Variants in SCN10A observed in about 807,000 individuals in gnomAD.
SCN10A encodes sodium channel protein type 10 subunit alpha.
Under a neutral mutation model 170.7 loss-of-function variants are expected in SCN10A, and 162 were observed. The ratio of observed to expected loss-of-function variants is 0.95; its 90% CI spans 0.84 to 1.08. The LOEUF (loss-of-function observed/expected upper bound fraction) is 1.08, where lower values mean the gene tolerates loss of function less well. Among genes scored for constraint, SCN10A ranks in the 50% least tolerant of loss-of-function variants. The probability of loss-of-function intolerance (pLI) is 0.00; values close to 1 mark genes in which losing one functional copy is unlikely to be tolerated. For missense variants in SCN10A, 2,527 were observed against 2,436.9 expected (o/e 1.04, Z -0.78); for synonymous variants, 985 against 904.6 (o/e 1.09, Z -1.59).
At chr3:38,748,544 T>A (rs1486307489) in intron 13 of SCN10A, among the ~76,000 whole-genome samples, 1 of 152,186 alleles carries the variant, frequency 6.6e-6, no homozygotes, top group Non-Finnish European at 1.5e-5. Flanking sequence ...GTTGAGCTGG[T>A]CCTTTGTCAT....
In SCN10A at chr3:38,698,324, C is replaced by T. The variant is rs2063119149; in HGVS notation, c.4896G>A (p.Val1632=). ...SIFGMSSFPH[V]RWEAGIDDMF... ...TGTCGTCGATGCCAGCCTCCCACCT[C>T]ACATGGGGAAAGCTGGACATACCGA... is the stretch of plus-strand genomic sequence containing the variant. Residue 1632 remains valine, a synonymous_variant, in exon 28 of 28, where the codon GTG becomes GTA. Coordinates refer to ENST00000449082, the MANE Select transcript of SCN10A (RefSeq NM_006514.4). 1 of 1,613,870 alleles carries T rather than the reference C, an allele frequency of 6.2e-7. No individual in the cohort carries two copies. Among genetic ancestry groups the T allele is most frequent in the South Asian group, 1.1e-5 (1 of 91,076 alleles).
At chr3:38,762,690 AG>A (rs1395886578) in intron 6 of SCN10A, among the ~76,000 whole-genome samples, 2 of 152,188 alleles carry the variant, frequency 1.3e-5, no homozygotes, top group African/African-American at 4.8e-5. Context: ...GGGCAGGACC[AG>A]GGCTCTCTTC....
intron 4 of SCN10A, among the ~76,000 whole-genome samples, chr3:38,776,063 A>C (rs1225899015): frequency 6.6e-6 from 1 of 152,126 alleles, no homozygotes; most frequent in Non-Finnish European, 1.5e-5. Flanking sequence ...ATAATATGGA[A>C]GTTTTGATAG....
chr3:38,758,206 T>C (rs2063830829), intron 8 of SCN10A, among the ~76,000 whole-genome samples: 1 of 152,184 alleles, frequency 6.6e-6, no homozygotes, highest in African/African-American at 2.4e-5. Flanking sequence ...GTTCCAAGTC[T>C]ATCTCCACTT....
At chr3:38,743,277 A>T (rs1182098612) in intron 13 of SCN10A, among the ~76,000 whole-genome samples, 1 of 152,190 alleles carries the variant, frequency 6.6e-6, no homozygotes, top group Non-Finnish European at 1.5e-5. Context: ...TGCCCCACAC[A>T]GTGCGTGGGT....
intron 10 of SCN10A, among the ~76,000 whole-genome samples, 160 bp downstream of exon 10, chr3:38,756,514 C>T (rs1005235242): frequency 2.6e-5 from 4 of 152,226 alleles, no homozygotes; most frequent in Admixed American, 2.6e-4. Context: ...CCTCACTTAG[C>T]TTCTTCTTTG....
chr3:38,703,321 T>C (rs1378993153), intron 26 of SCN10A, among the ~76,000 whole-genome samples: 1 of 152,212 alleles, frequency 6.6e-6, no homozygotes, highest in East Asian at 1.9e-4. Context: ...TGTCTCTTGG[T>C]TTATTGCACA....
chr3:38,721,232 G>A (rs1193832617), intron 20 of SCN10A, among the ~76,000 whole-genome samples: 1 of 152,176 alleles, frequency 6.6e-6, no homozygotes, highest in Non-Finnish European at 1.5e-5. Context: ...TGTTTTTAGA[G>A]AGTAAATGAC....
chr3:38,807,215 T>C (rs573047878), intron 1 of SCN10A, among the ~76,000 whole-genome samples: 28 of 152,312 alleles, frequency 1.8e-4, no homozygotes, highest in African/African-American at 6.7e-4. Flanking sequence ...CTAATGTAGA[T>C]AATTATTTGC....
At position 38,772,465 on chromosome 3, in the gene SCN10A, A is replaced by G. The variant is rs547737303; in HGVS notation, c.471-1058T>C. Among the ~76,000 whole-genome samples the G allele has an allele frequency of 5.9e-5, 9 of 152,202 alleles. No individual in the cohort carries two copies. The Middle Eastern group carries it at 0.01, about 173-fold the overall frequency. On this transcript the variant is annotated intron_variant, in intron 4 of 27. Transcript: ENST00000449082. Reference sequence around the variant, plus strand: ...AGCACTTTGGGAGGCCGAGGCGGGCAGATTACGAGGTCAGGAGATCGAGAC... The same window carrying G: ...AGCACTTTGGGAGGCCGAGGCGGGCGGATTACGAGGTCAGGAGATCGAGAC...
chr3:38,743,437 C>T (rs544090516), intron 13 of SCN10A, among the ~76,000 whole-genome samples: 1 of 152,276 alleles, frequency 6.6e-6, no homozygotes, highest in East Asian at 1.9e-4. Flanking sequence ...CTCTCTGGAC[C>T]CCATGCTCTC....
intron 1 of SCN10A, among the ~76,000 whole-genome samples, chr3:38,797,697 C>A (rs1450961465): frequency 6.6e-6 from 1 of 152,106 alleles, no homozygotes; most frequent in African/African-American, 2.4e-5. Context: ...AGTTTGGAAC[C>A]AAATTTGAAT....
intron 12 of SCN10A, among the ~76,000 whole-genome samples, chr3:38,752,002 G>A (rs1204728351): frequency 6.6e-6 from 1 of 152,108 alleles, no homozygotes; most frequent in Non-Finnish European, 1.5e-5. Flanking sequence ...CATCACTACT[G>A]CAGAATAAAC....
At chr3:38,802,335 G>A (rs567710308) in intron 1 of SCN10A, among the ~76,000 whole-genome samples, 2 of 152,090 alleles carry the variant, frequency 1.3e-5, no homozygotes, top group Non-Finnish European at 2.9e-5. Context: ...TATATCTCTA[G>A]CCCAAGTCTT....
chr3:38,723,675 C>T, intron 18 of SCN10A, 122 bp from the exon 19 acceptor site: 7 of 1,191,682 alleles, frequency 5.9e-6, no homozygotes, highest in Non-Finnish European at 8.2e-6. Context: ...GCCTGGAACA[C>T]TGCTCTTCTC....
At chr3:38,789,416 A>C (rs563577745) in intron 3 of SCN10A, among the ~76,000 whole-genome samples, 4 of 152,300 alleles carry the variant, frequency 2.6e-5, no homozygotes, top group South Asian at 2.1e-4. Context: ...CCTTTTCCAA[A>C]ATGTCCTTCT....
At position 38,720,281 on chromosome 3, in the gene SCN10A, T is replaced by C. The variant is rs2063376757; in HGVS notation, c.3508-1455A>G. Among the ~76,000 whole-genome samples, 3 of 152,310 alleles carry C rather than the reference T, an allele frequency of 2.0e-5. No homozygotes were observed. The South Asian group carries it at 6.2e-4, about 32-fold the overall frequency. The stretch of plus-strand genomic sequence containing the variant: ...GAGTAAATTATAAAGGAATATGTTA[T>C]AGCCATTAAATGAGATAATATGAGA... On this transcript the variant is annotated intron_variant, in intron 20 of 27. Coordinates refer to ENST00000449082, the MANE Select transcript of SCN10A (RefSeq NM_006514.4).
chr3:38,730,478 C>A (rs1395105830), intron 15 of SCN10A, among the ~76,000 whole-genome samples: 1 of 151,992 alleles, frequency 6.6e-6, no homozygotes, highest in African/African-American at 2.4e-5. Context: ...AAAAAACAAA[C>A]AAAAACAGAA....
intron 26 of SCN10A, among the ~76,000 whole-genome samples, chr3:38,703,808 A>C (rs2063182138): frequency 6.6e-6 from 1 of 152,120 alleles, no homozygotes. Flanking sequence ...TATATGTGCA[A>C]CTTTTGGCCA....
Sources: gnomAD v4.1 joint callset for allele counts (sites outside exome capture counted in the v4.1 genomes callset) on GRCh38, gnomAD v4.1.1 for gene constraint, MANE v1.5 for transcripts, NCBI Gene and HGNC (gene_info 2026-07-23, HGNC 2026-07-21) for gene names.